SAMD4B: variants seen among roughly 807,000 people sequenced by gnomAD.
SAMD4B encodes the protein sterile alpha motif domain containing 4B.
Under a neutral mutation model 74.5 loss-of-function variants are expected in SAMD4B, and 5 were observed. The observed-to-expected ratio is 0.07, with a 90% CI of 0.04 to 0.14. The LOEUF (loss-of-function observed/expected upper bound fraction) is 0.14. SAMD4B is among the 10% of genes least tolerant of loss of function. The pLI, the probability that SAMD4B is intolerant of heterozygous loss-of-function variation, is 1.00. For synonymous variants in SAMD4B, 373 were observed against 374.9 expected, an observed-to-expected ratio of 1.00 and a Z score of 0.06; for missense variants, 608 against 921.8, an observed-to-expected ratio of 0.66 and a Z score of 4.41.
intron 12 of SAMD4B, 156 bp downstream of exon 12, chr19:39,381,269 G>A: frequency 2.2e-6 from 2 of 891,154 alleles, no homozygotes; most frequent in Non-Finnish European, 1.6e-6. Flanking sequence ...AATTGTGGGG[G>A]GTTGTTTTCC....
rs919714003 is a variant in SAMD4B, at chr19:39,383,631, A to G, written c.*104A>G. On this transcript the variant is annotated 3_prime_UTR_variant, in exon 14 of 14. Coordinates refer to ENST00000610417, the MANE Select transcript of SAMD4B (RefSeq NM_001384574.2). This position sits in a 1 kb window ranked among gnomAD's most constrained non-coding sequence, Gnocchi z 4.1. ...AGCGAGAGGGTGGGCTGGCTCAGCTATATATTCTAATATTTTTCTACTCTC... is the reference window on the plus strand; with the variant it reads ...AGCGAGAGGGTGGGCTGGCTCAGCTGTATATTCTAATATTTTTCTACTCTC... 3 of 1,609,628 alleles carry G rather than the reference A, an allele frequency of 1.9e-6. No individual in the cohort carries two copies. Among genetic ancestry groups the G allele is most frequent in the Admixed American group, 3.4e-5 (2 of 59,590 alleles).
chr19:39,361,709 G>A (rs901793700), intron 3 of SAMD4B, among the ~76,000 whole-genome samples: 5 of 151,878 alleles, frequency 3.3e-5, no homozygotes, highest in Admixed American at 2.0e-4. Flanking sequence ...GGATCACGAG[G>A]TCAGGAGATG....
rs115430199 is a variant in SAMD4B, at chr19:39,371,732, G to A, written c.667+1607G>A. 4.9e-4 allele frequency among the ~76,000 whole-genome samples: 75 copies of A among 151,774 alleles called. 1 individual carries two copies. The highest frequency in any genetic ancestry group is 1.7e-3 in the African/African-American group (71 of 41,394). On this transcript the variant is annotated intron_variant, in intron 4 of 13. Transcript: ENST00000610417. ...CTCGGGGGGCTGAGGCAGGAAGGTC[G>A]CTTGAACCCAGGAGGTGGAGGTGGC...
At chr19:39,373,595 C>T (rs1600571429) in intron 4 of SAMD4B, among the ~76,000 whole-genome samples, 1 of 152,126 alleles carries the variant, frequency 6.6e-6, no homozygotes, top group South Asian at 2.1e-4. Flanking sequence ...GCGAGGTGAG[C>T]GAGGCAGAGG....
intron 3 of SAMD4B, among the ~76,000 whole-genome samples, chr19:39,359,390 TC>T (rs1180295072): frequency 3.9e-5 from 6 of 152,232 alleles, no homozygotes; most frequent in African/African-American, 1.4e-4. Flanking sequence ...AGGTTTTTCT[TC>T]CAGACTTCAC....
chr19:39,360,258 T>G (rs2076574597), intron 3 of SAMD4B: 1 of 152,186 alleles, frequency 6.6e-6, no homozygotes, highest in Non-Finnish European at 1.5e-5. Flanking sequence ...CATGCTGCAT[T>G]TTATACAAAT....
At chr19:39,354,950 G>A (rs1568346900) in intron 2 of SAMD4B, among the ~76,000 whole-genome samples, 1 of 152,166 alleles carries the variant, frequency 6.6e-6, no homozygotes. Flanking sequence ...TCAGCTCACT[G>A]CAACCTCCGC....
rs762612819 is a variant in SAMD4B, at chr19:39,356,702, C to T, written c.-192C>T. 5 of 528,844 alleles carry T rather than the reference C, an allele frequency of 9.5e-6. No homozygotes were observed. The East Asian group carries it at 1.2e-4, about 13-fold the overall frequency. The allele number at this position is 528,844 out of a possible 1,614,324, so 32.8% of individuals were successfully genotyped here. On this transcript the variant is annotated 5_prime_UTR_variant, in exon 3 of 14. Coordinates refer to ENST00000610417, the MANE Select transcript of SAMD4B (RefSeq NM_001384574.2). ...TTCCTTTTTCAGGAAACTGGAGAGGCGTGGCTGGACCAAGACCTCCCCCCA... is the reference window on the plus strand; with the variant it reads ...TTCCTTTTTCAGGAAACTGGAGAGGTGTGGCTGGACCAAGACCTCCCCCCA...
downstream of SAMD4B, chr19:39,388,248 A>G: frequency 7.9e-7 from 1 of 1,262,796 alleles, no homozygotes; most frequent in Non-Finnish European, 1.1e-6. Flanking sequence ...ACAAATTCTT[A>G]GGTACAAATG....
intron 7 of SAMD4B, 58 bp from the exon 8 acceptor site, chr19:39,377,427 C>G: frequency 1.4e-6 from 2 of 1,390,120 alleles, no homozygotes; most frequent in South Asian, 2.8e-5. Context: ...TGTGTAGATA[C>G]TCTCTGTCCC....
chr19:39,385,954 A>G (rs777116797), downstream of SAMD4B: 17 of 1,610,632 alleles, frequency 1.1e-5, no homozygotes, highest in Admixed American at 8.3e-5. Flanking sequence ...GCTGCTCACA[A>G]TAATGGTGTC....
chr19:39,379,888 C>A (rs11667792), intron 9 of SAMD4B, 78 bp from the exon 10 acceptor site: 1 of 1,247,142 alleles, frequency 8.0e-7, no homozygotes, highest in Non-Finnish European at 1.1e-6. Context: ...AATATTTGAA[C>A]AAATGAATGG....
chr19:39,386,496 T>G (rs1480122299), downstream of SAMD4B: 2 of 1,614,138 alleles, frequency 1.2e-6, no homozygotes, highest in Admixed American at 1.7e-5. This position sits in a 1 kb window ranked among gnomAD's most constrained non-coding sequence, Gnocchi z 6.1. Flanking sequence ...GCCCCCAGCT[T>G]CTTTCTCTTC....
chr19:39,373,765 C>T (rs1300558080), intron 4 of SAMD4B, among the ~76,000 whole-genome samples: 1 of 151,572 alleles, frequency 6.6e-6, no homozygotes, highest in Non-Finnish European at 1.5e-5. Context: ...AGTTCAAGAC[C>T]AGCCTAAGCA....
intron 11 of SAMD4B, 76 bp from the exon 12 acceptor site, chr19:39,380,914 C>T (rs1424106755): frequency 1.3e-6 from 2 of 1,539,534 alleles, no homozygotes. Context: ...GGGAGAAGGC[C>T]TGTACCACCT....
At chr19:39,366,984 C>A (rs1275291345) in intron 3 of SAMD4B, among the ~76,000 whole-genome samples, 1 of 152,166 alleles carries the variant, frequency 6.6e-6, no homozygotes, top group Non-Finnish European at 1.5e-5. Context: ...ATAATAACCA[C>A]AATACTAGTA....
At chr19:39,389,996 C>G (rs893177083), downstream of SAMD4B, 5 of 1,265,402 alleles carry the variant, frequency 4.0e-6, no homozygotes, top group Non-Finnish European at 5.8e-6. The surrounding 1 kb of genome is among the most constrained non-coding windows in gnomAD (Gnocchi z 5.3). Context: ...GAGCAGACAG[C>G]AGCCAACGAG....
intron 3 of SAMD4B, among the ~76,000 whole-genome samples, chr19:39,358,210 G>A (rs191612290): frequency 6.6e-6 from 1 of 152,332 alleles, no homozygotes; most frequent in East Asian, 1.9e-4. Flanking sequence ...GGCGGAGGTT[G>A]CAGTGAGCCA....
rs763793464 is a variant in SAMD4B, at chr19:39,375,734, C to T, written c.752C>T (p.Pro251Leu). The change falls in exon 5 of 14, where the codon CCG becomes CTG. Residue 251 changes from proline to leucine, a missense_variant. By Grantham distance (98) the Pro-to-Leu change is moderately conservative. Transcript: ENST00000610417. The surrounding 1 kb of genome is among the most constrained non-coding windows in gnomAD (Gnocchi z 4.1). ...PTSPQVPGEW[P>L]SPEELGARAA... ...AGCCCCCAGGTCCCTGGTGAGTGGC[C>T]GAGTCCAGAGGAGCTTGGGGCCCGG... The T allele has an allele frequency of 8.1e-6, 13 of 1,614,124 alleles. No individual in the cohort carries two copies. Among genetic ancestry groups the T allele is most frequent in the Admixed American group, 5.0e-5 (3 of 60,016 alleles).
Sources: gnomAD v4.1 joint callset for allele counts (sites outside exome capture counted in the v4.1 genomes callset) on GRCh38, gnomAD v4.1.1 for gene constraint, Gnocchi (gnomAD v3.1) non-coding constraint, MANE v1.5 for transcripts, NCBI Gene and HGNC (gene_info 2026-07-23, HGNC 2026-07-21) for gene names.